SLC4A4: variants seen among roughly 807,000 people sequenced by gnomAD.
SLC4A4 encodes the protein electrogenic sodium bicarbonate cotransporter 1.
SLC4A4 carries 27 observed loss-of-function variants against 111.5 expected under a neutral mutation model. The ratio of observed to expected loss-of-function variants is 0.24; its 90% CI spans 0.18 to 0.33. The LOEUF (loss-of-function observed/expected upper bound fraction) is 0.33, where lower values mean the gene tolerates loss of function less well. SLC4A4 is among the 10% of genes least tolerant of loss of function. The probability of loss-of-function intolerance (pLI) is 1.00; values close to 1 mark genes in which losing one functional copy is unlikely to be tolerated. For missense variants in SLC4A4, 909 were observed against 1,315.5 expected (o/e 0.69, Z 4.78); for synonymous variants, 443 against 463.4 (o/e 0.96, Z 0.57).
chr4:71,065,672 A>C (rs72858419), intron 1 of SLC4A4, among the ~76,000 whole-genome samples: 12,496 of 151,940 alleles, frequency 0.082, 1,825 homozygotes, highest in African/African-American at 0.29. Flanking sequence ...TGCTTCTGGG[A>C]CTTTGCGCAT....
intron 6 of SLC4A4, among the ~76,000 whole-genome samples, chr4:71,394,338 A>G (rs118025089): frequency 0.025 from 3,844 of 152,228 alleles, 159 homozygotes; most frequent in East Asian, 0.15. Flanking sequence ...AAAGTGGGCT[A>G]AGGATATGAA....
chr4:71,475,123 T>C (rs1470590323), intron 14 of SLC4A4, among the ~76,000 whole-genome samples: 1 of 151,686 alleles, frequency 6.6e-6, no homozygotes, highest in Non-Finnish European at 1.5e-5. Context: ...TTACGACTTC[T>C]TAGGCAGGTT....
At chr4:71,368,041 T>C (rs538691897) in intron 6 of SLC4A4, among the ~76,000 whole-genome samples, 1 of 152,348 alleles carries the variant, frequency 6.6e-6, no homozygotes, top group East Asian at 1.9e-4. Context: ...TGATGATCTT[T>C]ATTAAGTCAA....
chr4:71,304,439 G>T (rs1052706032), intron 3 of SLC4A4, among the ~76,000 whole-genome samples: 1 of 152,112 alleles, frequency 6.6e-6, no homozygotes, highest in Non-Finnish European at 1.5e-5. Context: ...TCACCTTTCC[G>T]CCATCTTTTT....
intron 2 of SLC4A4, among the ~76,000 whole-genome samples, chr4:71,137,979 G>C (rs1318164980): frequency 6.6e-6 from 1 of 152,024 alleles, no homozygotes; most frequent in East Asian, 1.9e-4. Flanking sequence ...TGTTGATATT[G>C]TGCCCTAATC....
At chr4:71,268,197 C>T (rs1013562766) in intron 3 of SLC4A4, among the ~76,000 whole-genome samples, 1 of 145,844 alleles carries the variant, frequency 6.9e-6, no homozygotes, top group African/African-American at 2.5e-5. Context: ...TCATGTACTA[C>T]TCCACTGGCA....
intron 1 of SLC4A4, among the ~76,000 whole-genome samples, chr4:71,081,385 A>G (rs1224480982): frequency 1.3e-5 from 2 of 152,110 alleles, no homozygotes; most frequent in Non-Finnish European, 2.9e-5. Context: ...GCTGTTGCTA[A>G]TGCAGCCAGC....
rs1024968680 is a variant in SLC4A4 at position 71,569,617 on chromosome 4, A to G, written c.*1866A>G. On this transcript the variant is annotated 3_prime_UTR_variant, in exon 26 of 26. Coordinates refer to ENST00000264485, the MANE Select transcript of SLC4A4 (RefSeq NM_001098484.3). Reference sequence around the variant, plus strand: ...ATAATTTCAGATTCATATAACCACAACTGTGATATATCCTAACTATAACCA... The same window carrying G: ...ATAATTTCAGATTCATATAACCACAGCTGTGATATATCCTAACTATAACCA... 1 of 151,684 alleles carries G rather than the reference A, an allele frequency of 6.6e-6. No individual in the cohort carries two copies. The highest frequency in any genetic ancestry group is 2.4e-5 in the African/African-American group (1 of 41,378). 9.4% of individuals were successfully genotyped at this position (151,684 alleles called of 1,614,324 possible). A position where few individuals can be genotyped will look rare whatever the true frequency, so the allele number is the denominator to read the frequency against.
intron 6 of SLC4A4, among the ~76,000 whole-genome samples, chr4:71,378,503 A>T (rs1000448885): frequency 2.0e-5 from 3 of 152,204 alleles, no homozygotes; most frequent in African/African-American, 7.2e-5. Flanking sequence ...CATTAATTTG[A>T]AACTGATAGA....
chr4:71,344,111 C>T (rs1298874706), intron 4 of SLC4A4, among the ~76,000 whole-genome samples: 1 of 152,068 alleles, frequency 6.6e-6, no homozygotes, highest in Non-Finnish European at 1.5e-5. Flanking sequence ...TTGTCTCTTC[C>T]CAATAGAATT....
chr4:71,284,746 G>A (rs1578752258), intron 3 of SLC4A4, among the ~76,000 whole-genome samples: 1 of 152,088 alleles, frequency 6.6e-6, no homozygotes, highest in Non-Finnish European at 1.5e-5. Flanking sequence ...TGTGCACCTT[G>A]GTCTTGTAAT....
At chr4:71,113,689 G>A (rs1173697775) in intron 2 of SLC4A4, among the ~76,000 whole-genome samples, 3 of 152,190 alleles carry the variant, frequency 2.0e-5, no homozygotes, top group African/African-American at 7.2e-5. Context: ...AACTTATGGA[G>A]TGAGATTCAC....
intron 1 of SLC4A4, chr4:71,236,189 C>T (rs1490696123): frequency 2.9e-5 from 31 of 1,055,752 alleles, no homozygotes; most frequent in Middle Eastern, 9.2e-4. Flanking sequence ...TTTCCACAAA[C>T]GATCATCACG....
chr4:71,276,564 C>CT (rs1055421773), intron 3 of SLC4A4, among the ~76,000 whole-genome samples: 156 of 142,296 alleles, frequency 1.1e-3, no homozygotes, highest in Middle Eastern at 7.4e-3. Flanking sequence ...TGTGAATCTG[C>CT]TTTTTTTTTT....
chr4:71,292,892 A>T (rs547498907), intron 3 of SLC4A4, among the ~76,000 whole-genome samples: 66 of 125,404 alleles, frequency 5.3e-4, no homozygotes, highest in African/African-American at 2.1e-3. Context: ...CCCAGGCTGG[A>T]GTGCAGTGGT....
chr4:71,462,847 G>A (rs570162432), intron 12 of SLC4A4, among the ~76,000 whole-genome samples: 2 of 152,238 alleles, frequency 1.3e-5, no homozygotes, highest in East Asian at 3.9e-4. Context: ...AGCATAGGTA[G>A]GTTAAATAAC....
chr4:71,192,061 C>G (rs1282976936), intron 1 of SLC4A4, among the ~76,000 whole-genome samples: 1 of 152,120 alleles, frequency 6.6e-6, no homozygotes, highest in Non-Finnish European at 1.5e-5. Flanking sequence ...CTAGAAAAAT[C>G]TCTTAATATA....
intron 2 of SLC4A4, among the ~76,000 whole-genome samples, chr4:71,137,576 T>G (rs1354551409): frequency 6.6e-6 from 1 of 152,242 alleles, no homozygotes; most frequent in Admixed American, 6.5e-5. Context: ...CTCATTCTAA[T>G]AGTTCCTAGT....
chr4:71,414,432 C>T (rs1478615182), intron 7 of SLC4A4, among the ~76,000 whole-genome samples: 1 of 152,198 alleles, frequency 6.6e-6, no homozygotes, highest in Admixed American at 6.5e-5. Flanking sequence ...AGTTTCTGCA[C>T]AAGATAGGCA....
Sources: gnomAD v4.1 joint callset for allele counts (sites outside exome capture counted in the v4.1 genomes callset) on GRCh38, gnomAD v4.1.1 for gene constraint, MANE v1.5 for transcripts, NCBI Gene and HGNC (gene_info 2026-07-23, HGNC 2026-07-21) for gene names.